Variants in CFAP90 observed in about 807,000 individuals in gnomAD.
CFAP90 encodes cilia- and flagella-associated protein 90.
chr5:7,849,488 C>T, the CFAP90 span, among the ~76,000 whole-genome samples: 12 of 152,204 alleles, frequency 7.9e-5, no homozygotes, highest in Non-Finnish European at 1.5e-4. Context: ...CCCAGTTACG[C>T]CTGCAGGCTG....
chr5:7,842,318 A>G, the CFAP90 span, among the ~76,000 whole-genome samples: 2 of 151,976 alleles, frequency 1.3e-5, no homozygotes, highest in South Asian at 4.2e-4. Context: ...AGAAAGAAAA[A>G]AAAAAAAACA....
At chr5:7,839,456 G>C in the CFAP90 span, among the ~76,000 whole-genome samples, 1 of 152,184 alleles carries the variant, frequency 6.6e-6, no homozygotes, top group African/African-American at 2.4e-5. Flanking sequence ...GGATTATCCT[G>C]GGAGAAAAAC....
At chr5:7,838,906 G>A in the CFAP90 span, among the ~76,000 whole-genome samples, 1 of 152,200 alleles carries the variant, frequency 6.6e-6, no homozygotes, top group Admixed American at 6.5e-5. Context: ...GCTCCCTGCA[G>A]GTGGGCAGCC....
At chr5:7,845,870 G>A in the CFAP90 span, among the ~76,000 whole-genome samples, 10 of 151,736 alleles carry the variant, frequency 6.6e-5, no homozygotes, top group East Asian at 7.7e-4. Context: ...CCTTCAGTGC[G>A]TCCACTCTGT....
At chr5:7,847,611 C>A in the CFAP90 span, among the ~76,000 whole-genome samples, 1 of 152,196 alleles carries the variant, frequency 6.6e-6, no homozygotes, top group Non-Finnish European at 1.5e-5. Flanking sequence ...AAATAGGCAA[C>A]TGGCCAGATT....
At chr5:7,841,968 T>C in the CFAP90 span, among the ~76,000 whole-genome samples, 6 of 152,108 alleles carry the variant, frequency 3.9e-5, no homozygotes, top group African/African-American at 1.4e-4. Context: ...CCTTCACAAA[T>C]TAAAAGTTGG....
the CFAP90 span, among the ~76,000 whole-genome samples, chr5:7,842,027 C>G: frequency 6.6e-6 from 1 of 152,034 alleles, no homozygotes; most frequent in Non-Finnish European, 1.5e-5. Context: ...AGGCTTCTAG[C>G]CTCCAAAACT....
chr5:7,831,118 A>C, the CFAP90 span: 1 of 152,250 alleles, frequency 6.6e-6, no homozygotes, highest in African/African-American at 2.4e-5. Context: ...ACAAATCTAG[A>C]AAATGCAGCA....
At chr5:7,843,753 A>G in the CFAP90 span, among the ~76,000 whole-genome samples, 6 of 152,194 alleles carry the variant, frequency 3.9e-5, no homozygotes, top group African/African-American at 1.4e-4. Context: ...AGTTATTGGG[A>G]AAAATGTTGT....
At chr5:7,834,941 A>G in the CFAP90 span, among the ~76,000 whole-genome samples, 1 of 152,098 alleles carries the variant, frequency 6.6e-6, no homozygotes, top group South Asian at 2.1e-4. Context: ...CTGTACATAC[A>G]CCCCGCACCA....
chr5:7,840,564 C>T, the CFAP90 span, among the ~76,000 whole-genome samples: 1 of 152,122 alleles, frequency 6.6e-6, no homozygotes, highest in African/African-American at 2.4e-5. Context: ...ATTGCTTGGG[C>T]TGAGGGTAGG....
the CFAP90 span, among the ~76,000 whole-genome samples, chr5:7,832,594 TCTC>T: frequency 2.0e-5 from 3 of 152,138 alleles, no homozygotes; most frequent in East Asian, 5.8e-4. Context: ...TTCAAGCAAT[TCTC>T]CTGCCTCAGC....
the CFAP90 span, among the ~76,000 whole-genome samples, chr5:7,847,419 C>T: frequency 6.8e-6 from 1 of 147,236 alleles, no homozygotes. Context: ...TACCTACCTT[C>T]CAGAAGGTAG....
the CFAP90 span, among the ~76,000 whole-genome samples, chr5:7,834,778 G>A: frequency 2.0e-5 from 3 of 152,130 alleles, no homozygotes; most frequent in Admixed American, 6.5e-5. Flanking sequence ...CAGATTGGTA[G>A]CCTAGGAGTA....
chr5:7,837,661 T>C, the CFAP90 span, among the ~76,000 whole-genome samples: 1 of 152,234 alleles, frequency 6.6e-6, no homozygotes, highest in African/African-American at 2.4e-5. Flanking sequence ...ATCTGTCATG[T>C]GAAACATGCT....
the CFAP90 span, among the ~76,000 whole-genome samples, chr5:7,833,429 CAT>C: frequency 3.9e-5 from 6 of 151,986 alleles, no homozygotes; most frequent in Non-Finnish European, 7.4e-5. Context: ...CATCTATACA[CAT>C]ATTTACACAC....
the CFAP90 span, among the ~76,000 whole-genome samples, chr5:7,848,795 G>C: frequency 1.3e-5 from 2 of 152,166 alleles, no homozygotes; most frequent in Non-Finnish European, 2.9e-5. Context: ...TTTTATAAGG[G>C]TCTTGCCTCT....
chr5:7,840,343 CT>C, the CFAP90 span, among the ~76,000 whole-genome samples: 6 of 152,122 alleles, frequency 3.9e-5, no homozygotes, highest in Non-Finnish European at 8.8e-5. Flanking sequence ...GAGTGGAGGC[CT>C]CCAGTTTTCA....
the CFAP90 span, chr5:7,850,903 T>TC: frequency 2.9e-6 from 4 of 1,358,028 alleles, no homozygotes; most frequent in Non-Finnish European, 3.8e-6. Context: ...GTAGCTGTGC[T>TC]CTTTGGGGTC....
Sources: allele counts gnomAD v4.1 joint callset (sites outside exome capture counted in the v4.1 genomes callset), GRCh38; gene constraint gnomAD v4.1.1; transcripts MANE v1.5; gene names NCBI Gene and HGNC (gene_info 2026-07-23, HGNC 2026-07-21).